CDKAL1: variants seen among roughly 807,000 people sequenced by gnomAD.
CDKAL1 encodes threonylcarbamoyladenosine tRNA methylthiotransferase.
Under a neutral mutation model 68.2 loss-of-function variants are expected in CDKAL1, and 32 were observed. The observed-to-expected ratio is 0.47, with a 90% CI of 0.35 to 0.63. CDKAL1 has a LOEUF of 0.63. Among genes scored for constraint, CDKAL1 ranks in the 30% least tolerant of loss-of-function variants. The probability of loss-of-function intolerance (pLI) is 0.00; values close to 1 mark genes in which losing one functional copy is unlikely to be tolerated. For missense variants in CDKAL1, 606 were observed against 696.7 expected, an observed-to-expected ratio of 0.87 and a Z score of 1.47; for synonymous variants, 234 against 244.3, an observed-to-expected ratio of 0.96 and a Z score of 0.39.
chr6:20,898,127 C>T (rs80212131), intron 9 of CDKAL1, among the ~76,000 whole-genome samples: 1 of 151,924 alleles, frequency 6.6e-6, no homozygotes, highest in East Asian at 1.9e-4. Flanking sequence ...GTGACAGCTG[C>T]CTTCTGTAAT....
At chr6:20,916,598 C>T (rs1762734007) in intron 9 of CDKAL1, among the ~76,000 whole-genome samples, 1 of 152,118 alleles carries the variant, frequency 6.6e-6, no homozygotes, top group South Asian at 2.1e-4. Context: ...GGATAGTGCC[C>T]TCTTAGACAC....
chr6:21,008,781 C>T (rs938045182), intron 11 of CDKAL1, among the ~76,000 whole-genome samples: 3 of 152,106 alleles, frequency 2.0e-5, no homozygotes, highest in Non-Finnish European at 4.4e-5. Context: ...AGGGATAATA[C>T]GTGTCTGTTG....
rs1771405776 is a variant in CDKAL1, at chr6:20,702,382, C to A, written c.372-37137C>A. ...CTGAATTAGACCCTCTCCCTTGTCA[C>A]AAGGACAGAGGGCTTTCTGTATCCC... On this transcript the variant is annotated intron_variant, in intron 5 of 15. Transcript: ENST00000274695. Among the ~76,000 whole-genome samples, 3 of 152,308 alleles carry A rather than the reference C, an allele frequency of 2.0e-5. No homozygotes were observed. In the South Asian group the frequency reaches 6.2e-4, roughly 32 times the overall value.
At chr6:21,128,430 A>G (rs575383404) in intron 13 of CDKAL1, among the ~76,000 whole-genome samples, 1 of 152,360 alleles carries the variant, frequency 6.6e-6, no homozygotes, top group South Asian at 2.1e-4. Context: ...GAAAAGTCAG[A>G]GTTAATTGTT....
In CDKAL1 at chr6:20,906,419, A is replaced by G. The variant is rs148278916; in HGVS notation, c.743-49000A>G. 1.2e-3 allele frequency among the ~76,000 whole-genome samples: 179 copies of G among 152,332 alleles called. 1 individual carries two copies. Among genetic ancestry groups the G allele is most frequent in the African/African-American group, 4.0e-3 (168 of 41,576 alleles). ...TTCAGGATATTAAATATAATTTCCA[A>G]TGCAACCACAAAGAAAATACATATA... is the stretch of plus-strand genomic sequence containing the variant. On this transcript the variant is annotated intron_variant, in intron 9 of 15. Coordinates refer to ENST00000274695, the MANE Select transcript of CDKAL1 (RefSeq NM_017774.3).
chr6:20,785,958 T>C (rs1775653662), intron 8 of CDKAL1, among the ~76,000 whole-genome samples: 1 of 152,190 alleles, frequency 6.6e-6, no homozygotes, highest in Non-Finnish European at 1.5e-5. Flanking sequence ...CAGTGGATCA[T>C]GCCTGTAATC....
At chr6:21,085,037 A>G (rs962789480) in intron 12 of CDKAL1, among the ~76,000 whole-genome samples, 7 of 152,230 alleles carry the variant, frequency 4.6e-5, no homozygotes, top group African/African-American at 1.7e-4. Flanking sequence ...CTGAAATCCT[A>G]TCCTATTAAC....
intron 10 of CDKAL1, among the ~76,000 whole-genome samples, chr6:20,979,699 C>T (rs1266575297): frequency 1.3e-5 from 2 of 151,714 alleles, no homozygotes; most frequent in African/African-American, 4.8e-5. Context: ...GTGGTATTGA[C>T]ACTTTTGTTT....
chr6:20,666,688 C>CTTTTT (rs35042364), intron 5 of CDKAL1, among the ~76,000 whole-genome samples: 4 of 135,834 alleles, frequency 2.9e-5, no homozygotes, highest in African/African-American at 1.1e-4. Context: ...CCAAAGAATC[C>CTTTTT]TTTTTTTTTT....
chr6:20,646,431 T>C (rs1327709638), intron 4 of CDKAL1, among the ~76,000 whole-genome samples: 2 of 151,922 alleles, frequency 1.3e-5, no homozygotes, highest in Admixed American at 1.3e-4. Flanking sequence ...TGAAAAGTAT[T>C]CTATAGTAAA....
chr6:21,203,215 ATTTTTTTTTTTTTTTTT>A (rs371165972), intron 15 of CDKAL1, among the ~76,000 whole-genome samples: 11 of 47,088 alleles, frequency 2.3e-4, no homozygotes, highest in Non-Finnish European at 3.4e-4. Context: ...ATCCTGGCTA[ATTTTTTTTTTTTTTTTT>A]TTTTTTTTTT....
chr6:21,229,690 C>G (rs976715483), intron 15 of CDKAL1, among the ~76,000 whole-genome samples: 4 of 152,216 alleles, frequency 2.6e-5, no homozygotes, highest in African/African-American at 7.2e-5. Flanking sequence ...TAGCATTTCT[C>G]ATCTGCTCCT....
intron 9 of CDKAL1, among the ~76,000 whole-genome samples, chr6:20,908,458 C>G (rs548483469): frequency 6.6e-6 from 1 of 152,302 alleles, no homozygotes; most frequent in African/African-American, 2.4e-5. Flanking sequence ...CTTGCTGAAT[C>G]TTGACTGGTT....
intron 4 of CDKAL1, among the ~76,000 whole-genome samples, chr6:20,645,098 C>A (rs1407579236): frequency 6.6e-6 from 1 of 152,076 alleles, no homozygotes; most frequent in Non-Finnish European, 1.5e-5. Context: ...TAAAATGGTG[C>A]ACCTGTCTAA....
chr6:20,688,107 T>C (rs1770709205), intron 5 of CDKAL1, among the ~76,000 whole-genome samples: 1 of 152,124 alleles, frequency 6.6e-6, no homozygotes, highest in African/African-American at 2.4e-5. Context: ...TGCTTCTGTC[T>C]AGCTAAGGGT....
chr6:20,630,281 C>G (rs1417525843), intron 4 of CDKAL1, among the ~76,000 whole-genome samples: 1 of 152,132 alleles, frequency 6.6e-6, no homozygotes, highest in Non-Finnish European at 1.5e-5. Flanking sequence ...CATACAGAGG[C>G]CTTCCTCATC....
chr6:20,824,078 T>C (rs1777400059), intron 8 of CDKAL1, among the ~76,000 whole-genome samples: 1 of 152,080 alleles, frequency 6.6e-6, no homozygotes, highest in Non-Finnish European at 1.5e-5. Context: ...AAGTCTACTT[T>C]CAAGTGGATT....
chr6:20,669,335 G>C (rs1319772854), intron 5 of CDKAL1, among the ~76,000 whole-genome samples: 2 of 152,102 alleles, frequency 1.3e-5, no homozygotes, highest in Non-Finnish European at 2.9e-5. Flanking sequence ...AAGAGCTACA[G>C]AATGAGTCTC....
At chr6:21,023,887 C>T (rs1466406134) in intron 11 of CDKAL1, among the ~76,000 whole-genome samples, 1 of 152,126 alleles carries the variant, frequency 6.6e-6, no homozygotes, top group Admixed American at 6.6e-5. Flanking sequence ...TAGTTACTCA[C>T]ATGGTGTGAC....
Sources: gnomAD v4.1 joint callset for allele counts (sites outside exome capture counted in the v4.1 genomes callset) on GRCh38, gnomAD v4.1.1 for gene constraint, MANE v1.5 for transcripts, NCBI Gene and HGNC (gene_info 2026-07-23, HGNC 2026-07-21) for gene names.